Variants in XYLT1 observed in about 807,000 individuals in gnomAD.
The protein encoded by XYLT1 is xylosyltransferase 1.
XYLT1 carries 36 observed loss-of-function variants against 91.3 expected under a neutral mutation model. The observed-to-expected ratio is 0.39, with a 90% CI of 0.30 to 0.52. The LOEUF is 0.52. XYLT1 is among the 20% of genes least tolerant of loss of function. The pLI is 0.68. For missense variants in XYLT1, 1,242 were observed against 1,284.5 expected (o/e 0.97, Z 0.51); for synonymous variants, 588 against 532.0 (o/e 1.11, Z -1.45).
chr16:17,376,827 CAAAAAAAAA>C (rs10684824), intron 1 of XYLT1, among the ~76,000 whole-genome samples: 6 of 55,672 alleles, frequency 1.1e-4, no homozygotes, highest in African/African-American at 3.2e-4. Context: ...AACTCTGTCT[CAAAAAAAAA>C]AAAAAAAAAA....
intron 2 of XYLT1, among the ~76,000 whole-genome samples, chr16:17,327,666 G>A (rs2034833377): frequency 7.0e-6 from 1 of 142,548 alleles, no homozygotes; most frequent in Non-Finnish European, 1.5e-5. Context: ...ACAGGTGTGA[G>A]CCACCACGCC....
intron 1 of XYLT1, among the ~76,000 whole-genome samples, chr16:17,444,337 G>A (rs868539638): frequency 1.1e-4 from 16 of 152,084 alleles, no homozygotes; most frequent in Middle Eastern, 3.4e-3. Flanking sequence ...TTTCTATCTT[G>A]TTCACTACTT....
chr16:17,272,313 T>A (rs1370229316), intron 2 of XYLT1, among the ~76,000 whole-genome samples: 2 of 151,826 alleles, frequency 1.3e-5, no homozygotes, highest in Non-Finnish European at 2.9e-5. Context: ...CAGATGCGCA[T>A]CACCATGCCC....
At chr16:17,431,530 A>G (rs1303074887) in intron 1 of XYLT1, among the ~76,000 whole-genome samples, 1 of 152,238 alleles carries the variant, frequency 6.6e-6, no homozygotes, top group Admixed American at 6.5e-5. Context: ...TTATTTTCTC[A>G]TCACCAAGGA....
chr16:17,331,602 GTGTGGTGGGTCTGTATA>G (rs1416761628), intron 2 of XYLT1, among the ~76,000 whole-genome samples: 1 of 152,188 alleles, frequency 6.6e-6, no homozygotes, highest in Non-Finnish European at 1.5e-5. Context: ...GAGGATAAAT[GTGTGGTGGGTCTGTATA>G]TGTTGATGAC....
intron 2 of XYLT1, among the ~76,000 whole-genome samples, chr16:17,357,333 C>T (rs959308101): frequency 6.6e-6 from 1 of 152,092 alleles, no homozygotes; most frequent in Non-Finnish European, 1.5e-5. Context: ...CTGGCTTAGA[C>T]ATTATGTGGC....
chr16:17,166,485 C>T (rs1461834108), intron 5 of XYLT1, among the ~76,000 whole-genome samples: 1 of 151,924 alleles, frequency 6.6e-6, no homozygotes, highest in Non-Finnish European at 1.5e-5. Context: ...ACAGTACCTG[C>T]CCCATGGGAA....
chr16:17,367,420 G>A (rs140281798), intron 1 of XYLT1, among the ~76,000 whole-genome samples: 67 of 152,276 alleles, frequency 4.4e-4, no homozygotes, highest in African/African-American at 1.4e-3. Context: ...AATTCATCCC[G>A]ATAATTAGCT....
At chr16:17,263,379 G>A (rs898168195) in intron 2 of XYLT1, among the ~76,000 whole-genome samples, 1 of 152,008 alleles carries the variant, frequency 6.6e-6, no homozygotes, top group African/African-American at 2.4e-5. Flanking sequence ...TGATTCTGAT[G>A]GGACTCATGA....
intron 3 of XYLT1, among the ~76,000 whole-genome samples, chr16:17,239,404 C>T (rs2033305277): frequency 6.6e-6 from 1 of 151,408 alleles, no homozygotes; most frequent in African/African-American, 2.4e-5. Context: ...CTCACCCACC[C>T]AGTCCATCCA....
At chr16:17,354,778 C>A (rs1189037278) in intron 2 of XYLT1, 1 of 152,234 alleles carries the variant, frequency 6.6e-6, no homozygotes. Context: ...TGAGGCACTA[C>A]TTCCTGCCAG....
intron 6 of XYLT1, among the ~76,000 whole-genome samples, chr16:17,153,280 T>C (rs1180469903): frequency 6.6e-6 from 1 of 152,202 alleles, no homozygotes; most frequent in Admixed American, 6.5e-5. Context: ...GTAACTCACG[T>C]AACTTACCCA....
intron 2 of XYLT1, among the ~76,000 whole-genome samples, chr16:17,322,725 G>A (rs1286100346): frequency 1.3e-5 from 2 of 152,170 alleles, no homozygotes; most frequent in Non-Finnish European, 2.9e-5. Flanking sequence ...CTGACCAGAT[G>A]AGTTATCTCC....
At chr16:17,161,512 C>CT (rs1350877926) in intron 5 of XYLT1, among the ~76,000 whole-genome samples, 1 of 152,172 alleles carries the variant, frequency 6.6e-6, no homozygotes, top group Non-Finnish European at 1.5e-5. Context: ...AAAGCCCATC[C>CT]CCCCAGTCCT....
intron 1 of XYLT1, among the ~76,000 whole-genome samples, chr16:17,408,267 G>A (rs1411633457): frequency 1.3e-5 from 2 of 152,180 alleles, no homozygotes; most frequent in Non-Finnish European, 2.9e-5. Flanking sequence ...CTAAGTAAGT[G>A]CAGTGACATA....
At chr16:17,311,219 C>T (rs982460535) in intron 2 of XYLT1, among the ~76,000 whole-genome samples, 1 of 152,132 alleles carries the variant, frequency 6.6e-6, no homozygotes, top group Middle Eastern at 3.2e-3. Flanking sequence ...CCTCAAGGAG[C>T]CCAGCAGTAT....
intron 1 of XYLT1, among the ~76,000 whole-genome samples, chr16:17,432,786 A>G (rs2036407397): frequency 6.6e-6 from 1 of 152,144 alleles, no homozygotes; most frequent in African/African-American, 2.4e-5. Flanking sequence ...CAATAAACCC[A>G]AAGACACGCT....
chr16:17,205,172 C>T (rs1170876515), intron 3 of XYLT1, among the ~76,000 whole-genome samples: 2 of 152,130 alleles, frequency 1.3e-5, no homozygotes, highest in Non-Finnish European at 2.9e-5. Context: ...GATGGGGGGT[C>T]CCGGAGAGCT....
chr16:17,409,546 C>CTTTT (rs35377886), intron 1 of XYLT1, among the ~76,000 whole-genome samples: 2 of 117,334 alleles, frequency 1.7e-5, no homozygotes, highest in African/African-American at 3.3e-5. Context: ...TATTGAGACA[C>CTTTT]TTTTTTTTTT....
Sources: allele counts gnomAD v4.1 joint callset (sites outside exome capture counted in the v4.1 genomes callset), GRCh38; gene constraint gnomAD v4.1.1; transcripts MANE v1.5; gene names NCBI Gene and HGNC (gene_info 2026-07-23, HGNC 2026-07-21).